Variants in TCHP observed in about 807,000 individuals in gnomAD.
TCHP encodes trichoplein keratin filament-binding protein.
Under a neutral mutation model 88.7 loss-of-function variants are expected in TCHP, and 81 were observed. That is an observed-to-expected ratio of 0.91 (90% CI 0.76 to 1.10). The LOEUF (loss-of-function observed/expected upper bound fraction) is 1.10. TCHP is among the 50% of genes least tolerant of loss of function. The probability of loss-of-function intolerance (pLI) is 0.00; values close to 1 mark genes in which losing one functional copy is unlikely to be tolerated. For synonymous variants in TCHP, 232 were observed against 232.5 expected (o/e 1.00, Z 0.02); for missense variants, 641 against 632.1 (o/e 1.01, Z -0.15).
rs758937565 is a variant in TCHP, at chr12:109,904,059, A to C, written c.311A>C (p.Glu104Ala). 5 of 1,605,408 alleles carry C rather than the reference A, an allele frequency of 3.1e-6. No homozygotes were observed. The highest frequency in any genetic ancestry group is 1.7e-4 in the Middle Eastern group (1 of 6,054). ...GACCTGCTGGCCAGAGAACTGGAGG[A>C]GCTGAGGCTGAGCATGAACTTGCAG... ...EQDLLARELE[E>A]LRLSMNLQER... The change falls in exon 3 of 13, where the codon GAG becomes GCG. Residue 104 changes from glutamate to alanine, a missense_variant. Coordinates refer to ENST00000405876, the MANE Select transcript of TCHP (RefSeq NM_001143852.2).
intron 3 of TCHP, 121 bp downstream of exon 3, chr12:109,904,268 C>T: frequency 2.3e-6 from 2 of 874,792 alleles, no homozygotes; most frequent in African/African-American, 1.7e-5. Flanking sequence ...AACTCCAGAG[C>T]CAGCAGGAAA....
At chr12:109,915,168 C>G in intron 11 of TCHP, 3 of 602,092 alleles carry the variant, frequency 5.0e-6, no homozygotes, top group Non-Finnish European at 8.8e-6. Context: ...GCCTCTCCAG[C>G]TTTCCACGAG....
chr12:109,885,160 G>T, the TCHP span, among the ~76,000 whole-genome samples: 1 of 152,160 alleles, frequency 6.6e-6, no homozygotes, highest in South Asian at 2.1e-4. Flanking sequence ...GGTAGAGATG[G>T]GTTTTCACCA....
the TCHP span, chr12:109,888,246 G>A: frequency 6.6e-6 from 1 of 152,400 alleles, no homozygotes; most frequent in South Asian, 2.1e-4. Context: ...AAGAGCCACA[G>A]AAACCTTCAG....
At chr12:109,884,964 C>CTTTGAT in the TCHP span, among the ~76,000 whole-genome samples, 1 of 152,154 alleles carries the variant, frequency 6.6e-6, no homozygotes, top group Non-Finnish European at 1.5e-5. Flanking sequence ...CAGTAATGTC[C>CTTTGAT]TTTGTTTTTG....
chr12:109,887,121 C>T, the TCHP span, among the ~76,000 whole-genome samples: 6 of 152,102 alleles, frequency 3.9e-5, no homozygotes, highest in African/African-American at 1.2e-4. Context: ...GTCTTCTATC[C>T]GTATTGAAAA....
upstream of TCHP, among the ~76,000 whole-genome samples, chr12:109,899,693 C>T (rs1284288957): frequency 6.6e-6 from 1 of 152,158 alleles, no homozygotes; most frequent in South Asian, 2.1e-4. Flanking sequence ...AGGCCTCTGC[C>T]CAAGTTGTAC....
Position 109,908,694 on chromosome 12 carries a change from C to G in TCHP, c.808C>G (p.Leu270Val), listed in dbSNP as rs1283417484. 1 of 1,592,444 alleles carries G rather than the reference C, an allele frequency of 6.3e-7. No homozygotes were observed. The highest frequency in any genetic ancestry group is 2.3e-5 in the East Asian group (1 of 44,228). The change falls in exon 7 of 13, where the codon CTG becomes GTG. Residue 270 changes from leucine (L) to valine (V), a missense_variant. Transcript: ENST00000405876. The part of the protein sequence containing the change: ...QMEAFRQKAE[L>V]GRFLRHQYNA... ...GGAAGCCTTCCGGCAGAAGGCAGAGCTGGGGTGTGTGTCAGAAGGGCCCCC... is the reference window on the plus strand; with the variant it reads ...GGAAGCCTTCCGGCAGAAGGCAGAGGTGGGGTGTGTGTCAGAAGGGCCCCC...
At chr12:109,899,785 T>TA (rs927104934), upstream of TCHP, among the ~76,000 whole-genome samples, 2 of 152,124 alleles carry the variant, frequency 1.3e-5, no homozygotes, top group Admixed American at 6.6e-5. Flanking sequence ...CTGGATTTTT[T>TA]AAAGGTATCT....
In TCHP at chr12:109,904,757, C is replaced by T. The variant is rs144237003; in HGVS notation, c.420C>T (p.Tyr140=). ...QRKLIAEQLL[Y]EHWKKNNPKL... ...GATAGATTGCTGAACAACTTTTGTA[C>T]GAACACTGGAAAAAGAACAACCCGA... The change falls in exon 4 of 13, where the codon TAC becomes TAT. Residue 140 remains tyrosine, a synonymous_variant. Coordinates refer to ENST00000405876, the MANE Select transcript of TCHP (RefSeq NM_001143852.2). 487 of 1,612,930 alleles carry T rather than the reference C, an allele frequency of 3.0e-4. No homozygotes were observed. Among genetic ancestry groups the T allele is most frequent in the Middle Eastern group, 4.9e-4 (3 of 6,076 alleles).
chr12:109,897,637 T>G (rs1869598106), upstream of TCHP, among the ~76,000 whole-genome samples: 1 of 150,934 alleles, frequency 6.6e-6, no homozygotes, highest in Admixed American at 6.6e-5. Flanking sequence ...CTCGGCTCAC[T>G]GCAACCTCTG....
the TCHP span, among the ~76,000 whole-genome samples, chr12:109,886,594 C>T: frequency 3.3e-5 from 5 of 152,150 alleles, no homozygotes; most frequent in Admixed American, 3.3e-4. Context: ...TTTCCCTGCC[C>T]TGGTCTCCAA....
At chr12:109,886,496 A>G in the TCHP span, among the ~76,000 whole-genome samples, 1 of 151,876 alleles carries the variant, frequency 6.6e-6, no homozygotes, top group East Asian at 1.9e-4. Context: ...AAGCCCCTCC[A>G]AGCTAGCTTC....
chr12:109,894,638 G>A, the TCHP span, among the ~76,000 whole-genome samples: 12 of 151,188 alleles, frequency 7.9e-5, no homozygotes, highest in African/African-American at 2.9e-4. Context: ...AGTGGCGCAT[G>A]TATGTAATCC....
At chr12:109,892,571 A>T in the TCHP span, among the ~76,000 whole-genome samples, 1 of 152,192 alleles carries the variant, frequency 6.6e-6, no homozygotes. Context: ...TTTGGGACTT[A>T]GGAAGTAGAG....
intron 5 of TCHP, 29 bp downstream of exon 5, chr12:109,906,669 C>T (rs763244285): frequency 7.6e-6 from 12 of 1,576,642 alleles, no homozygotes; most frequent in South Asian, 5.5e-5. Flanking sequence ...GGAATAGCCG[C>T]GTATTCTGCT....
chr12:109,896,153 C>G (rs1378560376), upstream of TCHP, among the ~76,000 whole-genome samples: 1 of 152,084 alleles, frequency 6.6e-6, no homozygotes, highest in East Asian at 1.9e-4. Flanking sequence ...CACCATGTTG[C>G]CCAGGCTGGT....
chr12:109,913,087 G>A lies in TCHP; in HGVS notation c.1134+15G>A, dbSNP rs369033622. The A allele has an allele frequency of 8.7e-6, 14 of 1,613,230 alleles. No homozygotes were observed. Among genetic ancestry groups the A allele is most frequent in the South Asian group, 3.3e-5 (3 of 91,060 alleles). On this transcript the variant is annotated intron_variant, in intron 10 of 12. Coordinates refer to ENST00000405876, the MANE Select transcript of TCHP (RefSeq NM_001143852.2). The stretch of plus-strand genomic sequence containing the variant: ...TGATGAGCGAGGTAATCCCAGCTGC[G>A]GCGATGTGGACCGGCTGTTGGGTCT...
In TCHP at chr12:109,904,738, T is replaced by G; in HGVS notation, c.401T>G (p.Ile134Ser). 6.2e-7 allele frequency: 1 copy of G among 1,610,806 alleles called. No homozygotes were observed. The highest frequency in any genetic ancestry group is 8.5e-7 in the Non-Finnish European group (1 of 1,179,238). Residue 134 changes from isoleucine (I) to serine (S), a missense_variant and splice_region_variant, in exon 4 of 13, where the codon ATT (isoleucine) becomes AGT (serine). Physicochemically the swap from Ile to Ser is moderately radical, Grantham distance 142. Coordinates refer to ENST00000405876, the MANE Select transcript of TCHP (RefSeq NM_001143852.2). ...TTCCATTTTGTGTTTTCTTGATAGA[T>G]TGCTGAACAACTTTTGTACGAACAC... ...KSAKEEQRKL[I>S]AEQLLYEHWK...
Sources: allele counts gnomAD v4.1 joint callset (sites outside exome capture counted in the v4.1 genomes callset), GRCh38; gene constraint gnomAD v4.1.1; transcripts MANE v1.5; gene names NCBI Gene and HGNC (gene_info 2026-07-23, HGNC 2026-07-21).